The following DPP6 variants were observed in gnomAD, a reference collection of about 807,000 sequenced individuals.
DPP6 encodes the protein A-type potassium channel modulatory protein DPP6.
DPP6 carries 69 observed loss-of-function variants against 122.6 expected under a neutral mutation model. The ratio of observed to expected loss-of-function variants is 0.56; its 90% CI spans 0.46 to 0.69. DPP6 has a LOEUF of 0.69. Among genes scored for constraint, DPP6 ranks in the 30% least tolerant of loss-of-function variants. The probability of loss-of-function intolerance (pLI) is 0.00; values close to 1 mark genes in which losing one functional copy is unlikely to be tolerated. For missense variants in DPP6, 928 were observed against 1,116.9 expected, an observed-to-expected ratio of 0.83 and a Z score of 2.41; for synonymous variants, 418 against 433.1, an observed-to-expected ratio of 0.97 and a Z score of 0.43.
intron 1 of DPP6, among the ~76,000 whole-genome samples, chr7:154,323,985 G>A (rs1011015089): frequency 7.9e-5 from 12 of 152,086 alleles, no homozygotes; most frequent in Admixed American, 2.6e-4. Flanking sequence ...ACACATATAC[G>A]CAGACCCATA....
At chr7:154,791,552 CAT>C (rs1797683473) in intron 10 of DPP6, among the ~76,000 whole-genome samples, 1 of 152,190 alleles carries the variant, frequency 6.6e-6, no homozygotes, top group Admixed American at 6.5e-5. Flanking sequence ...CCGCCCTTGA[CAT>C]GTGGGGATTA....
At chr7:154,181,915 A>T (rs568280707) in intron 1 of DPP6, among the ~76,000 whole-genome samples, 2 of 151,956 alleles carry the variant, frequency 1.3e-5, no homozygotes, top group South Asian at 4.2e-4. Flanking sequence ...CACCCAGCTA[A>T]TTTTTTTATT....
the DPP6 span, among the ~76,000 whole-genome samples, chr7:153,804,389 G>A: frequency 3.9e-5 from 6 of 151,926 alleles, no homozygotes; most frequent in Non-Finnish European, 8.8e-5. Flanking sequence ...TCTACTCATG[G>A]TACCGTCATT....
At chr7:154,146,615 A>G (rs1274377242) in intron 1 of DPP6, among the ~76,000 whole-genome samples, 1 of 152,226 alleles carries the variant, frequency 6.6e-6, no homozygotes, top group Non-Finnish European at 1.5e-5. Flanking sequence ...TCTGGCTCAG[A>G]CTCATGTTGC....
intron 1 of DPP6, among the ~76,000 whole-genome samples, chr7:153,921,500 A>T (rs1168026535): frequency 2.6e-5 from 4 of 152,242 alleles, no homozygotes; most frequent in African/African-American, 9.6e-5. Flanking sequence ...GTAAAAGAAA[A>T]TGAGGGTAGA....
At chr7:153,788,360 T>A in the DPP6 span, among the ~76,000 whole-genome samples, 2 of 152,224 alleles carry the variant, frequency 1.3e-5, no homozygotes, top group Non-Finnish European at 2.9e-5. Flanking sequence ...GTCTGTAGAC[T>A]TTCTGAACAG....
chr7:154,134,757 C>A (rs1449997090), intron 1 of DPP6, among the ~76,000 whole-genome samples: 2 of 152,266 alleles, frequency 1.3e-5, no homozygotes, highest in Non-Finnish European at 2.9e-5. Context: ...TGAGTGAACA[C>A]CTCCTATGAG....
chr7:154,711,233 T>A (rs1460820621), intron 7 of DPP6, among the ~76,000 whole-genome samples: 1 of 152,212 alleles, frequency 6.6e-6, no homozygotes, highest in Non-Finnish European at 1.5e-5. Flanking sequence ...TCACTATGAA[T>A]GTTTAATTTC....
At chr7:154,557,228 C>T (rs1430686835) in intron 4 of DPP6, among the ~76,000 whole-genome samples, 1 of 152,126 alleles carries the variant, frequency 6.6e-6, no homozygotes, top group African/African-American at 2.4e-5. Flanking sequence ...AAAATGGAGA[C>T]TGGGGTGGTC....
intron 22 of DPP6, among the ~76,000 whole-genome samples, chr7:154,886,752 T>C (rs1046655330): frequency 6.6e-6 from 1 of 152,140 alleles, no homozygotes; most frequent in Non-Finnish European, 1.5e-5. Flanking sequence ...TTGCCACACC[T>C]AGCCCTAGCC....
chr7:154,172,014 C>G (rs772953979), intron 1 of DPP6, among the ~76,000 whole-genome samples: 8 of 152,138 alleles, frequency 5.3e-5, no homozygotes, highest in African/African-American at 1.9e-4. Flanking sequence ...GAGAGGTGAT[C>G]TGACACAAGG....
chr7:154,087,956 T>C (rs917607802), intron 1 of DPP6, among the ~76,000 whole-genome samples: 1 of 152,216 alleles, frequency 6.6e-6, no homozygotes, highest in Non-Finnish European at 1.5e-5. Context: ...GGGTGTTCAC[T>C]GAATGCACAG....
intron 7 of DPP6, 138 bp from the exon 8 acceptor site, chr7:154,727,629 T>G: frequency 8.1e-7 from 1 of 1,227,586 alleles, no homozygotes; most frequent in Non-Finnish European, 1.1e-6. Flanking sequence ...CTCCAAGAAT[T>G]TTGAGACTGC....
chr7:154,864,308 G>A (rs1481851641), intron 17 of DPP6, among the ~76,000 whole-genome samples: 1 of 152,152 alleles, frequency 6.6e-6, no homozygotes, highest in Non-Finnish European at 1.5e-5. Flanking sequence ...GAACCTGCCG[G>A]GCCACTTGGA....
intron 1 of DPP6, among the ~76,000 whole-genome samples, chr7:154,428,271 GCAT>G (rs1344844207): frequency 6.6e-6 from 1 of 152,044 alleles, no homozygotes; most frequent in Non-Finnish European, 1.5e-5. Context: ...TGACTTCTAG[GCAT>G]AGAAAAATTC....
chr7:154,314,802 T>C (rs2151005922), intron 1 of DPP6, among the ~76,000 whole-genome samples: 1 of 152,200 alleles, frequency 6.6e-6, no homozygotes. Context: ...GGAAATATAA[T>C]ATGCCAAGAA....
At chr7:154,031,249 G>A (rs1317866649) in intron 1 of DPP6, among the ~76,000 whole-genome samples, 6 of 150,110 alleles carry the variant, frequency 4.0e-5, no homozygotes, top group African/African-American at 1.5e-4. Flanking sequence ...CAAGGCTTCT[G>A]TGTTCCTCTG....
intron 1 of DPP6, among the ~76,000 whole-genome samples, chr7:154,339,337 A>G (rs144123073): frequency 6.6e-6 from 1 of 152,326 alleles, no homozygotes; most frequent in Non-Finnish European, 1.5e-5. Context: ...TATCTTTCAT[A>G]CAGTAGTTTG....
intron 1 of DPP6, among the ~76,000 whole-genome samples, chr7:153,989,988 CCTG>C (rs1797078059): frequency 7.2e-6 from 1 of 139,242 alleles, no homozygotes; most frequent in African/African-American, 2.7e-5. Context: ...AGCTCACCCC[CCTG>C]CCAGCCTTGC....
Sources: allele counts gnomAD v4.1 joint callset (sites outside exome capture counted in the v4.1 genomes callset), GRCh38; gene constraint gnomAD v4.1.1; transcripts MANE v1.5; gene names NCBI Gene and HGNC (gene_info 2026-07-23, HGNC 2026-07-21).